Variants in MCTP1 observed in about 807,000 individuals in gnomAD.
MCTP1 encodes the protein multiple C2 and transmembrane domain containing 1.
A neutral mutation model predicts 120.6 loss-of-function variants in MCTP1; 69 were observed. That is an observed-to-expected ratio of 0.57 (90% confidence interval 0.47 to 0.70). The LOEUF (loss-of-function observed/expected upper bound fraction) is 0.70. Among genes scored for constraint, MCTP1 ranks in the 30% least tolerant of loss-of-function variants. The pLI is 0.00. For synonymous variants in MCTP1, 529 were observed against 493.1 expected (o/e 1.07, Z -0.96); for missense variants, 1,203 against 1,248.8 (o/e 0.96, Z 0.55).
At chr5:94,754,351 G>T (rs1424054078) in intron 19 of MCTP1, among the ~76,000 whole-genome samples, 1 of 152,160 alleles carries the variant, frequency 6.6e-6, no homozygotes, top group Non-Finnish European at 1.5e-5. Flanking sequence ...CATTTCCTCA[G>T]TGGACTATAA....
At chr5:94,833,658 C>G (rs549677047) in intron 17 of MCTP1, among the ~76,000 whole-genome samples, 2 of 152,254 alleles carry the variant, frequency 1.3e-5, no homozygotes, top group African/African-American at 2.4e-5. Context: ...GCTATCAAAA[C>G]TTTTCTCTCT....
chr5:95,190,999 T>C (rs1749769519), intron 1 of MCTP1, among the ~76,000 whole-genome samples: 1 of 152,020 alleles, frequency 6.6e-6, no homozygotes, highest in Admixed American at 6.6e-5. Context: ...AAAAGACTTG[T>C]ACAATTAAAT....
At chr5:94,784,214 G>A (rs995014822) in intron 18 of MCTP1, among the ~76,000 whole-genome samples, 2 of 151,966 alleles carry the variant, frequency 1.3e-5, no homozygotes, top group South Asian at 2.1e-4. Context: ...CTAGAGATAC[G>A]GAAGAATTTG....
intron 18 of MCTP1, among the ~76,000 whole-genome samples, chr5:94,781,067 A>T (rs917222672): frequency 6.6e-6 from 1 of 152,138 alleles, no homozygotes; most frequent in Non-Finnish European, 1.5e-5. Flanking sequence ...AACACTTGTA[A>T]GATTTTCTGA....
At chr5:95,187,546 C>A (rs1016068206) in intron 1 of MCTP1, among the ~76,000 whole-genome samples, 2 of 152,118 alleles carry the variant, frequency 1.3e-5, no homozygotes, top group African/African-American at 4.8e-5. Flanking sequence ...ACTACAGGCA[C>A]CCGCCACCAC....
intron 2 of MCTP1, among the ~76,000 whole-genome samples, chr5:94,998,551 A>T (rs1253441250): frequency 1.3e-5 from 2 of 152,218 alleles, no homozygotes; most frequent in East Asian, 1.9e-4. Context: ...CAGAGCAAAC[A>T]GTCCAGTGGC....
intron 1 of MCTP1, among the ~76,000 whole-genome samples, chr5:95,276,424 A>AT (rs1258919695): frequency 1.8e-4 from 27 of 150,936 alleles, no homozygotes; most frequent in Admixed American, 1.8e-3. Flanking sequence ...CACCCAGCTA[A>AT]TTTTTGTATT....
chr5:95,259,588 T>C (rs1758265799), intron 1 of MCTP1, among the ~76,000 whole-genome samples: 1 of 152,142 alleles, frequency 6.6e-6, no homozygotes, highest in African/African-American at 2.4e-5. Context: ...TACACTATAA[T>C]TACAAAAAAA....
intron 5 of MCTP1, 106 bp from the exon 6 acceptor site, chr5:94,932,097 A>G: frequency 1.4e-6 from 1 of 707,428 alleles, no homozygotes; most frequent in Non-Finnish European, 2.4e-6. Context: ...AACAGCGAAC[A>G]GTTCCTGCAG....
intron 19 of MCTP1, among the ~76,000 whole-genome samples, chr5:94,719,895 C>T (rs1320618205): frequency 6.6e-6 from 1 of 152,028 alleles, no homozygotes; most frequent in Non-Finnish European, 1.5e-5. Flanking sequence ...TTTGGGAGGC[C>T]GAGACAGGCA....
At chr5:95,168,057 T>G (rs1292968182) in intron 1 of MCTP1, among the ~76,000 whole-genome samples, 2 of 152,220 alleles carry the variant, frequency 1.3e-5, no homozygotes, top group Non-Finnish European at 2.9e-5. Flanking sequence ...TAATCCATCT[T>G]GAATTAATTT....
intron 10 of MCTP1, 82 bp from the exon 11 acceptor site, chr5:94,894,917 CAT>C: frequency 1.3e-6 from 1 of 787,370 alleles, no homozygotes; most frequent in Non-Finnish European, 1.9e-6. Context: ...TTCTATGAAA[CAT>C]AAATCAATAG....
intron 19 of MCTP1, among the ~76,000 whole-genome samples, chr5:94,736,337 A>G (rs1371834731): frequency 2.6e-5 from 4 of 152,036 alleles, no homozygotes; most frequent in Non-Finnish European, 5.9e-5. Context: ...AAAAAAAACT[A>G]GCTGGGCTTG....
At chr5:94,745,942 G>T (rs928637303) in intron 19 of MCTP1, among the ~76,000 whole-genome samples, 5 of 152,162 alleles carry the variant, frequency 3.3e-5, no homozygotes, top group African/African-American at 4.8e-5. Flanking sequence ...TTGCCTCATG[G>T]TGTTAATATG....
chr5:94,768,500 C>T (rs568347794), intron 19 of MCTP1, among the ~76,000 whole-genome samples: 7 of 151,890 alleles, frequency 4.6e-5, no homozygotes, highest in South Asian at 2.1e-4. Context: ...ACAAGCGACT[C>T]GTAATCAGAA....
chr5:95,275,659 T>G (rs1160124446), intron 1 of MCTP1, among the ~76,000 whole-genome samples: 2 of 152,198 alleles, frequency 1.3e-5, no homozygotes, highest in Non-Finnish European at 2.9e-5. Context: ...AATGGGATAT[T>G]TCATATTCTT....
In MCTP1 at chr5:94,779,134, T is replaced by C. The variant is rs1245621156; in HGVS notation, c.2586A>G (p.Glu862=). The change falls in exon 19 of 23, where the codon GAA becomes GAG. Residue 862 remains glutamate, a synonymous_variant. Transcript: ENST00000515393. ...CCTTGTCATCTTTGTCATCTTCTTC[T>C]TCCTCGTCCTCTAGCATGTCCTCCA... ...TVVEDMLEDE[E]EEDDKDDKDS... is the part of the protein sequence containing the mutation. 1 of 1,613,682 alleles carries C rather than the reference T, an allele frequency of 6.2e-7. No homozygotes were observed. Among genetic ancestry groups the C allele is most frequent in the Admixed American group, 1.7e-5 (1 of 59,992 alleles).
chr5:94,906,925 C>T (rs1807064951), intron 10 of MCTP1, among the ~76,000 whole-genome samples: 1 of 152,056 alleles, frequency 6.6e-6, no homozygotes, highest in South Asian at 2.1e-4. Flanking sequence ...GCAGTGAGAG[C>T]TTGCAAAAAA....
Position 95,284,606 on chromosome 5 carries a change from T to C in MCTP1, c.-31A>G, listed in dbSNP as rs1760610741. On this transcript the variant is annotated 5_prime_UTR_variant, in exon 1 of 23. Coordinates refer to ENST00000515393, the MANE Select transcript of MCTP1 (RefSeq NM_024717.7). The surrounding 1 kb of genome is among the most constrained non-coding windows in gnomAD (Gnocchi z 5.2). ...ACCCCCTGCTCCTCCTCTCCCCTCC[T>C]CCTCCTCCTCCTCCTCCTGCTTCTC... The C allele has an allele frequency of 6.8e-6, 9 of 1,315,636 alleles. No homozygotes were observed. The highest frequency in any genetic ancestry group is 8.8e-6 in the Non-Finnish European group (9 of 1,017,958). 81.5% of individuals were successfully genotyped at this position (1,315,636 alleles called of 1,614,324 possible).
Sources: allele counts gnomAD v4.1 joint callset (sites outside exome capture counted in the v4.1 genomes callset), GRCh38; gene constraint gnomAD v4.1.1; non-coding constraint Gnocchi (gnomAD v3.1); transcripts MANE v1.5; gene names NCBI Gene and HGNC (gene_info 2026-07-23, HGNC 2026-07-21).